Variants in PARD3 observed in about 807,000 individuals in gnomAD.
PARD3 encodes the protein par-3 family cell polarity regulator.
In PARD3, 75 loss-of-function variants were observed where a neutral mutation model predicts 155.4. That is an observed-to-expected ratio of 0.48 (90% CI 0.40 to 0.58). PARD3 has a LOEUF of 0.58. Ranked by LOEUF, PARD3 falls within the 20% of genes least tolerant of loss-of-function variation. PARD3 has a pLI of 0.00. For synonymous variants in PARD3, 576 were observed against 610.5 expected (o/e 0.94, Z 0.83); for missense variants, 1,642 against 1,721.7 (o/e 0.95, Z 0.82).
At chr10:34,359,015 A>G (rs1166699797) in intron 14 of PARD3, 132 bp downstream of exon 14, 2 of 626,550 alleles carry the variant, frequency 3.2e-6, no homozygotes, top group Non-Finnish European at 5.4e-6. Flanking sequence ...AAATAATAAA[A>G]CTACAATAAG....
chr10:34,496,576 C>T (rs2080304227), intron 3 of PARD3, among the ~76,000 whole-genome samples: 1 of 152,132 alleles, frequency 6.6e-6, no homozygotes, highest in Non-Finnish European at 1.5e-5. Context: ...ATAAGAAACA[C>T]CGAGGTTATA....
At chr10:34,115,815 C>A (rs1045331891) in intron 24 of PARD3, among the ~76,000 whole-genome samples, 7 of 151,744 alleles carry the variant, frequency 4.6e-5, no homozygotes, top group African/African-American at 1.7e-4. Flanking sequence ...CGGGTTCACA[C>A]CATTCTCCTG....
intron 1 of PARD3, among the ~76,000 whole-genome samples, chr10:34,780,339 CA>C (rs1319876056): frequency 1.6e-4 from 24 of 152,142 alleles, no homozygotes; most frequent in African/African-American, 5.8e-4. Flanking sequence ...AGATCTATCT[CA>C]ATAGCCCTCT....
At chr10:34,791,444 G>A (rs1391544017) in intron 1 of PARD3, among the ~76,000 whole-genome samples, 4 of 152,162 alleles carry the variant, frequency 2.6e-5, no homozygotes, top group African/African-American at 7.2e-5. Flanking sequence ...AAGCCGGCTC[G>A]AAGCCAACAC....
chr10:34,339,288 C>T (rs1334771249), intron 16 of PARD3, among the ~76,000 whole-genome samples: 4 of 151,900 alleles, frequency 2.6e-5, no homozygotes, highest in East Asian at 3.9e-4. Context: ...ACCTGGGAGG[C>T]GGAGCTTGCA....
At chr10:34,731,081 G>C (rs2094808495) in intron 1 of PARD3, among the ~76,000 whole-genome samples, 1 of 151,918 alleles carries the variant, frequency 6.6e-6, no homozygotes, top group South Asian at 2.1e-4. Flanking sequence ...ACTTGATTAA[G>C]TCATCATTAT....
intron 22 of PARD3, among the ~76,000 whole-genome samples, chr10:34,176,737 C>T (rs1950048422): frequency 6.6e-6 from 1 of 152,128 alleles, no homozygotes; most frequent in African/African-American, 2.4e-5. Flanking sequence ...AATGACTACA[C>T]TTAAAAACAA....
chr10:34,750,603 C>G (rs1037998496), intron 1 of PARD3, among the ~76,000 whole-genome samples: 2 of 151,744 alleles, frequency 1.3e-5, no homozygotes, highest in Non-Finnish European at 2.9e-5. Flanking sequence ...GGGCAGGGAG[C>G]CTTATTTCTT....
intron 4 of PARD3, among the ~76,000 whole-genome samples, chr10:34,464,600 A>G (rs1172767039): frequency 6.6e-6 from 1 of 152,210 alleles, no homozygotes; most frequent in Non-Finnish European, 1.5e-5. Context: ...TTATAAAAGC[A>G]AACAAAATTG....
At position 34,293,459 on chromosome 10, in the gene PARD3, G is replaced by A. The variant is rs1251635148; in HGVS notation, c.3066-9214C>T. Among the ~76,000 whole-genome samples the A allele has an allele frequency of 5.3e-5, 8 of 151,798 alleles. No homozygotes were observed. In the East Asian group the frequency reaches 7.7e-4, roughly 15 times the overall value. ...TTCTGTTTCTCCCAACTAAATTGAC[G>A]TTATTATAAAATATATACAAACATA... On this transcript the variant is annotated intron_variant, in intron 20 of 24. Transcript: ENST00000374788.
At chr10:34,811,211 T>G (rs1844124606) in intron 1 of PARD3, among the ~76,000 whole-genome samples, 2 of 152,204 alleles carry the variant, frequency 1.3e-5, no homozygotes. Context: ...ACCCTGACTC[T>G]TAGCTAAACA....
intron 2 of PARD3, among the ~76,000 whole-genome samples, chr10:34,576,735 T>C (rs1207059632): frequency 6.6e-6 from 1 of 152,168 alleles, no homozygotes; most frequent in Non-Finnish European, 1.5e-5. Flanking sequence ...TCCTGTAAGC[T>C]GACCAGTGTC....
intron 5 of PARD3, among the ~76,000 whole-genome samples, chr10:34,447,291 C>A (rs2132729497): frequency 6.6e-6 from 1 of 151,690 alleles, no homozygotes; most frequent in Admixed American, 6.6e-5. Context: ...GCCACCCTGG[C>A]CAACATGGTG....
chr10:34,631,205 C>T (rs1266991939), intron 2 of PARD3, among the ~76,000 whole-genome samples: 1 of 152,118 alleles, frequency 6.6e-6, no homozygotes, highest in Non-Finnish European at 1.5e-5. Flanking sequence ...GATTACCTTT[C>T]GGGGTGTACC....
intron 5 of PARD3, among the ~76,000 whole-genome samples, chr10:34,425,701 C>T (rs972910529): frequency 1.3e-5 from 2 of 152,136 alleles, no homozygotes; most frequent in African/African-American, 2.4e-5. Context: ...AAATAGGTGG[C>T]GCTGGGCATG....
chr10:34,265,299 G>A (rs967059325), intron 22 of PARD3, among the ~76,000 whole-genome samples: 1 of 152,116 alleles, frequency 6.6e-6, no homozygotes, highest in African/African-American at 2.4e-5. Context: ...AGTAATACGT[G>A]GAAATTGAGA....
chr10:34,659,226 T>C (rs1053351489), intron 2 of PARD3, among the ~76,000 whole-genome samples: 1 of 152,112 alleles, frequency 6.6e-6, no homozygotes, highest in Non-Finnish European at 1.5e-5. Flanking sequence ...CTGCCCTGAG[T>C]TTCCTCCACT....
intron 1 of PARD3, among the ~76,000 whole-genome samples, chr10:34,774,244 T>G (rs1032981953): frequency 6.6e-6 from 1 of 152,186 alleles, no homozygotes; most frequent in Non-Finnish European, 1.5e-5. Flanking sequence ...CAGCACTACA[T>G]CCTATAGATC....
chr10:34,316,101 G>A (rs1957987724), intron 20 of PARD3, among the ~76,000 whole-genome samples: 1 of 152,042 alleles, frequency 6.6e-6, no homozygotes, highest in South Asian at 2.1e-4. Flanking sequence ...GAAAACTGTT[G>A]TTCACATTTT....
Sources: allele counts gnomAD v4.1 joint callset (sites outside exome capture counted in the v4.1 genomes callset), GRCh38; gene constraint gnomAD v4.1.1; transcripts MANE v1.5; gene names NCBI Gene and HGNC (gene_info 2026-07-23, HGNC 2026-07-21).